PRSS23: variants seen among roughly 807,000 people sequenced by gnomAD.
PRSS23 encodes the protein serine protease 23.
In PRSS23, 25 loss-of-function variants were observed where a neutral mutation model predicts 34.7. The observed-to-expected ratio is 0.72, with a 90% confidence interval of 0.53 to 1.01. The LOEUF is 1.01. PRSS23 is among the 50% of genes least tolerant of loss of function. The probability of loss-of-function intolerance (pLI) is 0.00; values close to 1 mark genes in which losing one functional copy is unlikely to be tolerated. For synonymous variants in PRSS23, 176 were observed against 186.6 expected (o/e 0.94, Z 0.46); for missense variants, 445 against 475.6 (o/e 0.94, Z 0.60).
At chr11:86,834,006 G>A (rs986517581) in intron 2 of PRSS23, among the ~76,000 whole-genome samples, 2 of 152,204 alleles carry the variant, frequency 1.3e-5, no homozygotes, top group African/African-American at 2.4e-5. Context: ...TCTTAGTCAT[G>A]GACTGCATCT....
chr11:86,872,417 C>G (rs770880443), intron 2 of PRSS23, among the ~76,000 whole-genome samples: 12 of 152,158 alleles, frequency 7.9e-5, no homozygotes, highest in Non-Finnish European at 1.6e-4. Flanking sequence ...ACACTTAACA[C>G]GTTCCTGATT....
intron 1 of PRSS23, among the ~76,000 whole-genome samples, chr11:86,820,722 G>T (rs1336530482): frequency 1.3e-5 from 2 of 152,144 alleles, no homozygotes; most frequent in East Asian, 1.9e-4. Flanking sequence ...TAGAATTTTT[G>T]AGGATATCTA....
At chr11:86,794,053 AAAGACCC>A (rs1947966817) in intron 1 of PRSS23, among the ~76,000 whole-genome samples, 1 of 152,166 alleles carries the variant, frequency 6.6e-6, no homozygotes, top group South Asian at 2.1e-4. Flanking sequence ...AAACCTCATA[AAAGACCC>A]AAATTCAAAT....
intron 1 of PRSS23, among the ~76,000 whole-genome samples, chr11:86,817,578 GTA>G (rs1320546470): frequency 2.6e-5 from 4 of 152,176 alleles, no homozygotes. Flanking sequence ...CTTTTCAAGA[GTA>G]TCACTATTCA....
upstream of PRSS23, among the ~76,000 whole-genome samples, chr11:86,796,620 G>A (rs1380463131): frequency 3.0e-5 from 4 of 133,358 alleles, no homozygotes; most frequent in South Asian, 2.5e-4. Context: ...CAGCCTGGGC[G>A]ACAGAGCGAG....
Position 86,951,359 on chromosome 11 carries a change from C to T in PRSS23, c.*74C>T, listed in dbSNP as rs375818153. 1.7e-5 allele frequency: 28 copies of T among 1,613,742 alleles called. No individual in the cohort carries two copies. The highest frequency in any genetic ancestry group is 1.7e-4 in the Admixed American group (10 of 60,004). ...CATGTTGGAATCATCTGCAGAATAC[C>T]GAAAAAGTGCCCAGTTGGAGATTTC... On this transcript the variant is annotated 3_prime_UTR_variant, in exon 3 of 3. Coordinates refer to the PRSS23 transcript ENST00000533902.
intron 2 of PRSS23, among the ~76,000 whole-genome samples, chr11:86,849,356 A>G (rs1948512526): frequency 6.6e-6 from 1 of 152,208 alleles, no homozygotes; most frequent in African/African-American, 2.4e-5. Context: ...AAGGAGAGAC[A>G]TATTAGACAA....
intron 2 of PRSS23, among the ~76,000 whole-genome samples, chr11:86,921,037 T>C (rs1235924920): frequency 6.6e-6 from 1 of 152,232 alleles, no homozygotes; most frequent in Non-Finnish European, 1.5e-5. Context: ...CACTGTCTGC[T>C]CCTTCCTGGT....
intron 1 of PRSS23, among the ~76,000 whole-genome samples, chr11:86,792,221 G>A (rs1185307787): frequency 6.7e-6 from 1 of 149,138 alleles, no homozygotes; most frequent in Non-Finnish European, 1.5e-5. Flanking sequence ...AGGAAGAGAA[G>A]AGGTCAGGGT....
chr11:86,859,192 C>G lies in PRSS23; in HGVS notation c.206+35599C>G, dbSNP rs530835387. ...CCCCCTGTGATCTTGTTCCTAATAT[C>G]CAGGGAAGAAGAAGATGATATTACT... On this transcript the variant is annotated intron_variant, in intron 2 of 2. Transcript: ENST00000533902. Among the ~76,000 whole-genome samples the G allele has an allele frequency of 5.9e-5, 9 of 151,898 alleles. 1 individual carries two copies. In the South Asian group the frequency reaches 1.9e-3, roughly 32 times the overall value.
At chr11:86,892,062 A>G (rs1295009839) in intron 2 of PRSS23, among the ~76,000 whole-genome samples, 2 of 152,248 alleles carry the variant, frequency 1.3e-5, no homozygotes, top group African/African-American at 4.8e-5. Context: ...TGATCTGTAA[A>G]ATAGAGCACC....
At chr11:86,849,196 C>T in intron 2 of PRSS23, among the ~76,000 whole-genome samples, 1 of 152,186 alleles carries the variant, frequency 6.6e-6, no homozygotes, top group Non-Finnish European at 1.5e-5. Context: ...AATCTCCTGC[C>T]CTGGAAGACT....
At chr11:86,799,051 G>GA (rs1344698260), upstream of PRSS23, among the ~76,000 whole-genome samples, 1 of 152,142 alleles carries the variant, frequency 6.6e-6, no homozygotes, top group Non-Finnish European at 1.5e-5. Context: ...GCTAAGCTAA[G>GA]AAAAATTTGC....
chr11:86,896,139 A>C (rs1031734574), intron 2 of PRSS23, among the ~76,000 whole-genome samples: 3 of 152,150 alleles, frequency 2.0e-5, no homozygotes, highest in African/African-American at 2.4e-5. Context: ...ACTACCAATT[A>C]AGTTTGCACA....
At chr11:86,951,560 A>G (rs750701201) in exon 3 of PRSS23, 17 of 1,614,058 alleles carry the variant, frequency 1.1e-5, no homozygotes, top group Non-Finnish European at 1.4e-5. Flanking sequence ...TCCAATGACC[A>G]AATAAGTAAA....
intron 2 of PRSS23, among the ~76,000 whole-genome samples, chr11:86,890,132 G>A (rs1056427196): frequency 4.6e-5 from 7 of 152,134 alleles, no homozygotes; most frequent in African/African-American, 1.2e-4. Context: ...TTAGCCAGGT[G>A]TGGTGGTGCA....
chr11:86,900,600 C>T (rs1948904977), intron 2 of PRSS23, among the ~76,000 whole-genome samples: 1 of 151,928 alleles, frequency 6.6e-6, no homozygotes. Context: ...TCATTTTGTG[C>T]CACTCTTCCC....
intron 2 of PRSS23, among the ~76,000 whole-genome samples, chr11:86,885,001 A>G (rs972163743): frequency 2.0e-5 from 3 of 152,190 alleles, no homozygotes; most frequent in African/African-American, 7.2e-5. Flanking sequence ...TCAGTAAAGC[A>G]ATTATTTTAT....
chr11:86,836,724 G>GT (rs1948408434), intron 2 of PRSS23: 1 of 152,248 alleles, frequency 6.6e-6, no homozygotes, highest in South Asian at 2.1e-4. Context: ...CCAGTGTCCA[G>GT]GAGACAATTA....
Sources: allele counts gnomAD v4.1 joint callset (sites outside exome capture counted in the v4.1 genomes callset), GRCh38; gene constraint gnomAD v4.1.1; transcripts MANE v1.5; gene names NCBI Gene and HGNC (gene_info 2026-07-23, HGNC 2026-07-21).